The following GRAMD1B variants were observed in gnomAD, a reference collection of about 807,000 sequenced individuals.
GRAMD1B encodes GRAM domain containing 1B.
GRAMD1B carries 37 observed loss-of-function variants against 99.7 expected under a neutral mutation model. The ratio of observed to expected loss-of-function variants is 0.37; its 90% CI spans 0.29 to 0.49. GRAMD1B has a LOEUF of 0.49. GRAMD1B is among the 20% of genes least tolerant of loss of function. The pLI, the probability that GRAMD1B is intolerant of heterozygous loss-of-function variation, is 0.98. For synonymous variants in GRAMD1B, 427 were observed against 387.6 expected (o/e 1.10, Z -1.19); for missense variants, 888 against 1,009.2 (o/e 0.88, Z 1.63).
At position 123,430,965 on chromosome 11, in the gene GRAMD1B, C is replaced by G. The variant is rs573024869; in HGVS notation, c.173C>G (p.Ala58Gly). The change falls in exon 1 of 20, where the codon GCC becomes GGC. Residue 58 changes from alanine to glycine, a missense_variant. Around this residue, in one of 5 missense-constraint regions of GRAMD1B, gnomAD observed 233 missense variants for 154.6 expected, o/e 1.51. Coordinates refer to ENST00000635736, the MANE Select transcript of GRAMD1B (RefSeq NM_001387025.1). ...MKNVQEQSLE[A>G]GLARDLPAVL... ...AACGTACAGGAGCAGAGCCTGGAGGCCGGGCTGGCCCGGGACCTGCCCGCC... is the reference window on the plus strand; with the variant it reads ...AACGTACAGGAGCAGAGCCTGGAGGGCGGGCTGGCCCGGGACCTGCCCGCC... The G allele has an allele frequency of 8.5e-6, 6 of 702,814 alleles. No homozygotes were observed. The Admixed American group carries it at 1.2e-4, about 14-fold the overall frequency. 43.5% of individuals were successfully genotyped at this position (702,814 alleles called of 1,614,324 possible).
At chr11:123,462,845 C>G (rs568541477) in intron 1 of GRAMD1B, among the ~76,000 whole-genome samples, 12 of 147,224 alleles carry the variant, frequency 8.2e-5, no homozygotes, top group African/African-American at 2.5e-4. Context: ...CCTGCCAAAT[C>G]CCCCTCTGTG....
At chr11:123,434,994 T>C (rs1320265521) in intron 1 of GRAMD1B, among the ~76,000 whole-genome samples, 1 of 152,210 alleles carries the variant, frequency 6.6e-6, no homozygotes, top group East Asian at 1.9e-4. Flanking sequence ...GAGTAGTGAA[T>C]GTGAAAATGT....
chr11:123,449,304 G>A (rs915808543), intron 1 of GRAMD1B, among the ~76,000 whole-genome samples: 1 of 152,192 alleles, frequency 6.6e-6, no homozygotes, highest in Non-Finnish European at 1.5e-5. Flanking sequence ...TAAGCTCTTT[G>A]CATGGAACAT....
At chr11:123,464,856 T>A (rs1456609054) in intron 1 of GRAMD1B, among the ~76,000 whole-genome samples, 1 of 152,172 alleles carries the variant, frequency 6.6e-6, no homozygotes, top group Non-Finnish European at 1.5e-5. Context: ...TATTTCTGTG[T>A]TTCCTTGTTT....
intron 1 of GRAMD1B, among the ~76,000 whole-genome samples, chr11:123,437,908 T>C (rs771946766): frequency 6.6e-6 from 1 of 152,198 alleles, no homozygotes; most frequent in African/African-American, 2.4e-5. Context: ...CCCGTCACTA[T>C]TGGTGTAGCT....
At chr11:123,560,303 G>C (rs958350597) in intron 2 of GRAMD1B, 56 of 1,148,714 alleles carry the variant, frequency 4.9e-5, no homozygotes, top group Non-Finnish European at 6.1e-5. Context: ...GAGGGAGAGA[G>C]AGAAAGGGAG....
chr11:123,578,493 C>G (rs1053646475), intron 3 of GRAMD1B: 162 of 1,172,384 alleles, frequency 1.4e-4, no homozygotes, highest in Non-Finnish European at 5.0e-5. Context: ...CTGTAGTGCT[C>G]AGCACCCCCT....
At chr11:123,509,794 G>A (rs1436321707) in intron 2 of GRAMD1B, 1 of 152,338 alleles carries the variant, frequency 6.6e-6, no homozygotes, top group African/African-American at 2.4e-5. Context: ...CACTGCAAGC[G>A]AGCGGCCTGT....
At chr11:123,579,277 G>A (rs1949072424) in intron 3 of GRAMD1B, among the ~76,000 whole-genome samples, 1 of 152,210 alleles carries the variant, frequency 6.6e-6, no homozygotes, top group Non-Finnish European at 1.5e-5. Context: ...CCGAAGAAGG[G>A]GAAGCCGAGG....
intron 1 of GRAMD1B, among the ~76,000 whole-genome samples, chr11:123,396,248 AT>A (rs377433515): frequency 8.7e-6 from 1 of 114,684 alleles, no homozygotes; most frequent in Non-Finnish European, 1.8e-5. Flanking sequence ...CCCCATATGC[AT>A]TTTTTTCTTT....
chr11:123,396,578 C>G (rs1947473565), intron 1 of GRAMD1B, among the ~76,000 whole-genome samples: 1 of 152,154 alleles, frequency 6.6e-6, no homozygotes, highest in Non-Finnish European at 1.5e-5. Context: ...TCCCAGCCCC[C>G]ATATGCACTT....
At chr11:123,417,662 C>T (rs768235725) in intron 1 of GRAMD1B, among the ~76,000 whole-genome samples, 11 of 151,970 alleles carry the variant, frequency 7.2e-5, no homozygotes, top group Admixed American at 3.9e-4. Context: ...ACAGGCTGGG[C>T]GCAATGGCCC....
chr11:123,468,731 A>G (rs1950831959), intron 1 of GRAMD1B, among the ~76,000 whole-genome samples: 1 of 144,804 alleles, frequency 6.9e-6, no homozygotes, highest in Non-Finnish European at 1.5e-5. Context: ...CGGGAGGCAG[A>G]GGTTGCAGTG....
intron 1 of GRAMD1B, among the ~76,000 whole-genome samples, chr11:123,480,234 A>G (rs1951517347): frequency 6.6e-6 from 1 of 151,986 alleles, no homozygotes; most frequent in Non-Finnish European, 1.5e-5. Context: ...TCCTTCTTCT[A>G]TTTCTCATCC....
chr11:123,398,711 C>G (rs2135902511), intron 1 of GRAMD1B, among the ~76,000 whole-genome samples: 1 of 152,134 alleles, frequency 6.6e-6, no homozygotes, highest in African/African-American at 2.4e-5. Context: ...ATTTATCGGT[C>G]ATTTATATAT....
intron 2 of GRAMD1B, among the ~76,000 whole-genome samples, chr11:123,575,115 C>A (rs1197908659): frequency 6.6e-6 from 1 of 152,040 alleles, no homozygotes; most frequent in African/African-American, 2.4e-5. Context: ...GTGAGGAGTT[C>A]TCATGCTTTG....
At chr11:123,547,154 C>T (rs1338239136) in intron 2 of GRAMD1B, among the ~76,000 whole-genome samples, 2 of 152,058 alleles carry the variant, frequency 1.3e-5, no homozygotes, top group African/African-American at 4.8e-5. Flanking sequence ...TTGGGCTGAG[C>T]GAGATTGAAA....
At chr11:123,411,585 T>C (rs1301273660) in intron 1 of GRAMD1B, among the ~76,000 whole-genome samples, 1 of 152,122 alleles carries the variant, frequency 6.6e-6, no homozygotes, top group Non-Finnish European at 1.5e-5. Flanking sequence ...GATTTAGAAA[T>C]ACCCAATGAC....
chr11:123,369,688 A>G (rs556660447), intron 1 of GRAMD1B, among the ~76,000 whole-genome samples: 1 of 152,212 alleles, frequency 6.6e-6, no homozygotes, highest in African/African-American at 2.4e-5. Flanking sequence ...CCTGGGCAAC[A>G]TGGCAAAACC....
Sources: gnomAD v4.1 joint callset for allele counts (sites outside exome capture counted in the v4.1 genomes callset) on GRCh38, gnomAD v4.1.1 for gene constraint, gnomAD v4.1.1 regional missense constraint, MANE v1.5 for transcripts, NCBI Gene and HGNC (gene_info 2026-07-23, HGNC 2026-07-21) for gene names.